The following MTMR1 variants were observed in gnomAD, a reference collection of about 807,000 sequenced individuals.
MTMR1 encodes myotubularin related protein 1.
In MTMR1, 17 loss-of-function variants were observed where a neutral mutation model predicts 51.6. That is an observed-to-expected ratio of 0.33 (90% CI 0.23 to 0.49). MTMR1 has a LOEUF of 0.49. MTMR1 is among the 20% of genes least tolerant of loss of function. The pLI is 0.99. For missense variants in MTMR1, 386 were observed against 526.9 expected (o/e 0.73, Z 2.62); for synonymous variants, 201 against 205.6 (o/e 0.98, Z 0.19).
chrX:150,712,626 G>T, intron 3 of MTMR1: 1 of 334,859 alleles, frequency 3.0e-6, no homozygotes, highest in East Asian at 5.2e-5. Context: ...GACTTTTGTT[G>T]TACTACATGA....
At chrX:150,705,075 G>A (rs906837856) in intron 2 of MTMR1, among the ~76,000 whole-genome samples, 4 of 111,220 alleles carry the variant, frequency 3.6e-5, no homozygotes, top group Non-Finnish European at 7.6e-5. Context: ...TTTAAAACTA[G>A]AAAATACAAT....
chrX:150,715,248 G>T (rs939963097), intron 3 of MTMR1, among the ~76,000 whole-genome samples: 2 of 111,973 alleles, frequency 1.8e-5, no homozygotes, highest in Non-Finnish European at 3.8e-5. Context: ...CCACCTGGCG[G>T]CTTGGATTCA....
At chrX:150,717,958 A>G (rs2041597796) in intron 3 of MTMR1, among the ~76,000 whole-genome samples, 1 of 112,978 alleles carries the variant, frequency 8.9e-6, no homozygotes, top group Non-Finnish European at 1.9e-5. Context: ...GTTGCCTGCC[A>G]GATGAGAGCA....
Position 150,695,087 on chromosome X carries a change from G to A in MTMR1, c.146+1411G>A, listed in dbSNP as rs146364580. Among the ~76,000 whole-genome samples, 487 of 112,439 alleles carry A rather than the reference G, an allele frequency of 4.3e-3. 2 individuals are homozygous for A. The highest frequency in any genetic ancestry group is 0.015 in the African/African-American group (463 of 30,936). The stretch of plus-strand genomic sequence containing the variant: ...AAGAGGCGAGGGATCCAGCCATACA[G>A]ATACCTGGGGGTGATAGTATTCTAG... On this transcript the variant is annotated intron_variant, in intron 1 of 15. Transcript: ENST00000445323.
At chrX:150,712,388 G>T in intron 3 of MTMR1, 23 bp downstream of exon 3, 1 of 1,157,140 alleles carries the variant, frequency 8.6e-7, no homozygotes, top group Middle Eastern at 2.3e-4. Context: ...GGCTTTCAGC[G>T]GATGGGCCTC....
At chrX:150,756,921 G>A (rs189604126) in intron 15 of MTMR1, among the ~76,000 whole-genome samples, 601 of 112,496 alleles carry the variant, frequency 5.3e-3, no homozygotes, top group Non-Finnish European at 7.7e-3. Flanking sequence ...AAAGTGCTGG[G>A]ATTATGGGTG....
chrX:150,764,691 G>C lies in MTMR1; in HGVS notation c.*1962G>C, dbSNP rs1368186083. 1 of 112,017 alleles carries C rather than the reference G, an allele frequency of 8.9e-6. No homozygotes were observed. Among genetic ancestry groups the C allele is most frequent in the East Asian group, 2.8e-4 (1 of 3,583 alleles). 9.2% of individuals were successfully genotyped at this position (112,017 alleles called of 1,213,427 possible). On this transcript the variant is annotated 3_prime_UTR_variant, in exon 16 of 16. Coordinates refer to ENST00000445323, the MANE Select transcript of MTMR1 (RefSeq NM_001306144.3). The stretch of plus-strand genomic sequence containing the variant: ...AGGACCCTAGAGGAGACTCTCATTC[G>C]ATTTTAAAGAAGCACAACGGGTCAT...
intron 10 of MTMR1, chrX:150,735,524 T>C: frequency 2.0e-6 from 1 of 492,291 alleles, no homozygotes; most frequent in East Asian, 3.8e-5. Context: ...CCTCCTCTTC[T>C]AGTTTTTGGA....
chrX:150,717,032 G>C (rs1388944972), intron 3 of MTMR1, among the ~76,000 whole-genome samples: 2 of 111,110 alleles, frequency 1.8e-5, no homozygotes, highest in African/African-American at 6.6e-5. Context: ...TGCGGATTCG[G>C]TGTGCATTGA....
chrX:150,693,763 T>G (rs2040564499), intron 1 of MTMR1, 87 bp downstream of exon 1: 107 of 568,785 alleles, frequency 1.9e-4, no homozygotes, highest in South Asian at 2.8e-4. Context: ...CCCCGCGCGC[T>G]GCGCAGGGCC....
chrX:150,745,920 G>A (rs782418243), intron 13 of MTMR1, among the ~76,000 whole-genome samples: 3 of 112,544 alleles, frequency 2.7e-5, no homozygotes, highest in Non-Finnish European at 5.6e-5. Flanking sequence ...AAGCCCTTCT[G>A]GGGGCTGATG....
chrX:150,707,077 C>A (rs1557416089), intron 2 of MTMR1, among the ~76,000 whole-genome samples: 1 of 110,524 alleles, frequency 9.0e-6, no homozygotes, highest in Non-Finnish European at 1.9e-5. Context: ...CAAAACAAAA[C>A]CTTGATCTAA....
At chrX:150,724,509 G>C (rs2041865577) in intron 4 of MTMR1, among the ~76,000 whole-genome samples, 1 of 111,781 alleles carries the variant, frequency 8.9e-6, no homozygotes, top group South Asian at 3.7e-4. Context: ...CAGATGCATA[G>C]TTTGCAAATA....
chrX:150,748,548 T>C (rs782395391), intron 13 of MTMR1, among the ~76,000 whole-genome samples: 1 of 110,262 alleles, frequency 9.1e-6, no homozygotes, highest in South Asian at 3.9e-4. Context: ...CCGGGCACGG[T>C]AGCTCATGCC....
chrX:150,750,621 A>C, intron 13 of MTMR1, 109 bp from the exon 14 acceptor site: 1 of 490,967 alleles, frequency 2.0e-6, no homozygotes, highest in Non-Finnish European at 3.4e-6. Flanking sequence ...TCTTCCTTTA[A>C]ATCTTTGACT....
At chrX:150,728,928 C>T (rs782632912) in intron 6 of MTMR1, among the ~76,000 whole-genome samples, 21 of 109,388 alleles carry the variant, frequency 1.9e-4, no homozygotes, top group Non-Finnish European at 3.0e-4. Context: ...ACTAAACTCA[C>T]TTTAGTCACT....
chrX:150,759,104 C>G lies in MTMR1; in HGVS notation c.1857+3239C>G, dbSNP rs782711050. 5.3e-5 allele frequency among the ~76,000 whole-genome samples: 6 copies of G among 112,807 alleles called. No individual in the cohort carries two copies. In the South Asian group the frequency reaches 1.5e-3, roughly 27 times the overall value. ...CTGTCACTGGAGTCCAGGTCCAGCA[C>G]TGTCCTCCTTTCTGACTTCAGGTGC... On this transcript the variant is annotated intron_variant, in intron 15 of 15. Transcript: ENST00000445323.
intron 15 of MTMR1, among the ~76,000 whole-genome samples, chrX:150,760,423 G>C (rs1216929027): frequency 1.8e-5 from 2 of 111,559 alleles, no homozygotes; most frequent in Non-Finnish European, 3.8e-5. Context: ...GGGGTTCTTT[G>C]GGCATCCATC....
At chrX:150,752,081 T>C (rs2042759824) in intron 14 of MTMR1, among the ~76,000 whole-genome samples, 1 of 109,693 alleles carries the variant, frequency 9.1e-6, no homozygotes, top group Non-Finnish European at 1.9e-5. Flanking sequence ...CACGCCCGGC[T>C]AATTTTTTGT....
Sources: gnomAD v4.1 joint callset for allele counts (sites outside exome capture counted in the v4.1 genomes callset) on GRCh38, gnomAD v4.1.1 for gene constraint, MANE v1.5 for transcripts, NCBI Gene and HGNC (gene_info 2026-07-23, HGNC 2026-07-21) for gene names.